The following CACNA2D3 variants were observed in gnomAD, a reference collection of about 807,000 sequenced individuals.
CACNA2D3 encodes calcium voltage-gated channel auxiliary subunit alpha2delta 3.
In CACNA2D3, 60 loss-of-function variants were observed where a neutral mutation model predicts 160.6. The observed-to-expected ratio is 0.37, with a 90% CI of 0.30 to 0.46. The LOEUF (loss-of-function observed/expected upper bound fraction) is 0.46. Among genes scored for constraint, CACNA2D3 ranks in the 20% least tolerant of loss-of-function variants. The probability of loss-of-function intolerance (pLI) is 1.00; values close to 1 mark genes in which losing one functional copy is unlikely to be tolerated. For synonymous variants in CACNA2D3, 558 were observed against 492.9 expected, an observed-to-expected ratio of 1.13 and a Z score of -1.75; for missense variants, 1,205 against 1,365.0, an observed-to-expected ratio of 0.88 and a Z score of 1.85.
chr3:54,459,033 C>T (rs907777361), intron 4 of CACNA2D3, among the ~76,000 whole-genome samples: 4 of 151,970 alleles, frequency 2.6e-5, no homozygotes, highest in East Asian at 3.9e-4. Flanking sequence ...TTTGGTTTTT[C>T]GTCCTTGCGA....
chr3:54,676,992 A>G (rs1297331332), intron 11 of CACNA2D3, among the ~76,000 whole-genome samples: 2 of 152,206 alleles, frequency 1.3e-5, no homozygotes, highest in Non-Finnish European at 2.9e-5. Context: ...ACAGCCTTTT[A>G]AAAATCTCTC....
intron 4 of CACNA2D3, among the ~76,000 whole-genome samples, chr3:54,437,135 A>G (rs1375151380): frequency 2.0e-5 from 3 of 152,144 alleles, no homozygotes; most frequent in Admixed American, 2.0e-4. Context: ...TCCTTCCAAA[A>G]TGGGTAGTAT....
At chr3:54,516,720 G>A (rs1002153702) in intron 5 of CACNA2D3, among the ~76,000 whole-genome samples, 1 of 152,186 alleles carries the variant, frequency 6.6e-6, no homozygotes, top group Non-Finnish European at 1.5e-5. Context: ...ATCTTCACCC[G>A]TGTCTACTTT....
At chr3:54,265,198 C>A (rs911990311) in intron 2 of CACNA2D3, among the ~76,000 whole-genome samples, 3 of 152,212 alleles carry the variant, frequency 2.0e-5, no homozygotes, top group African/African-American at 7.2e-5. Context: ...TACACTCCCA[C>A]CAACAGTGTT....
chr3:54,600,838 G>A (rs1474796899), intron 9 of CACNA2D3, among the ~76,000 whole-genome samples: 2 of 151,862 alleles, frequency 1.3e-5, no homozygotes, highest in African/African-American at 4.8e-5. Context: ...AGTGCAGCCC[G>A]GACCTAGCTT....
intron 4 of CACNA2D3, among the ~76,000 whole-genome samples, chr3:54,473,012 C>G (rs1255422054): frequency 6.6e-6 from 1 of 152,112 alleles, no homozygotes; most frequent in Non-Finnish European, 1.5e-5. Context: ...TGACTTTTTT[C>G]CTAGAATTAG....
At position 54,536,629 on chromosome 3, in the gene CACNA2D3, C is replaced by G. The variant is rs1387149972; in HGVS notation, c.545-26171C>G. ...TTTGCTGCTGCTCTGTGAGCCAGCT[C>G]TGGGTAGGTGGCCAGTGAACAGACT... On this transcript the variant is annotated intron_variant, in intron 5 of 37. Coordinates refer to ENST00000474759, the MANE Select transcript of CACNA2D3 (RefSeq NM_018398.3). 7.2e-5 allele frequency among the ~76,000 whole-genome samples: 11 copies of G among 152,296 alleles called. No homozygotes were observed. In the East Asian group the frequency reaches 1.7e-3, roughly 24 times the overall value.
chr3:54,210,659 C>T (rs114929026), intron 2 of CACNA2D3, among the ~76,000 whole-genome samples: 8 of 151,998 alleles, frequency 5.3e-5, no homozygotes, highest in Non-Finnish European at 1.0e-4. Flanking sequence ...AGGGAAGTGT[C>T]CTGGGATTGG....
At chr3:54,163,065 A>C (rs544115468) in intron 2 of CACNA2D3, among the ~76,000 whole-genome samples, 1 of 152,340 alleles carries the variant, frequency 6.6e-6, no homozygotes, top group South Asian at 2.1e-4. Flanking sequence ...AATGGTCAGA[A>C]GACCAGTGTG....
In CACNA2D3 at chr3:54,451,229, C is replaced by CTTTTTTTTTTTTTTTTTTTTTTTTTTTTT. The variant is rs71074970; in HGVS notation, c.382-52259_382-52231dup. Among the ~76,000 whole-genome samples, 4 of 51,732 alleles carry CTTTTTTTTTTTTTTTTTTTTTTTTTTTTT rather than the reference C, an allele frequency of 7.7e-5. 1 individual carries two copies. The highest frequency in any genetic ancestry group is 9.5e-5 in the Non-Finnish European group (3 of 31,614). 33.9% of individuals were successfully genotyped at this position (51,732 alleles called of 152,430 possible). On this transcript the variant is annotated intron_variant, in intron 4 of 37. Coordinates refer to ENST00000474759, the MANE Select transcript of CACNA2D3 (RefSeq NM_018398.3). ...TGTCCCTTTCTGCTGATATAATAATCTTTTTTTTTTTTTTTTTTTTTTTTT... is the reference window on the plus strand; with the variant it reads ...TGTCCCTTTCTGCTGATATAATAATCTTTTTTTTTTTTTTTTTTTTTTTTTTTTTTTTTTTTTTTTTTTTTTTTTTTTTT...
chr3:54,712,913 T>C (rs1700979781), intron 11 of CACNA2D3, among the ~76,000 whole-genome samples: 1 of 152,210 alleles, frequency 6.6e-6, no homozygotes. Context: ...TTAGCAATCT[T>C]AATTCCATCT....
At chr3:54,402,331 A>G (rs1418611959) in intron 4 of CACNA2D3, among the ~76,000 whole-genome samples, 2 of 152,180 alleles carry the variant, frequency 1.3e-5, no homozygotes, top group South Asian at 2.1e-4. Flanking sequence ...ACCAAAAGAC[A>G]TAGAGTGGCT....
At chr3:54,442,035 C>T (rs1445611917) in intron 4 of CACNA2D3, among the ~76,000 whole-genome samples, 1 of 152,140 alleles carries the variant, frequency 6.6e-6, no homozygotes, top group East Asian at 1.9e-4. Context: ...TCTTGAACTC[C>T]TGGGTTCAAG....
At chr3:54,949,191 T>TC (rs1701693231) in intron 27 of CACNA2D3, among the ~76,000 whole-genome samples, 1 of 152,182 alleles carries the variant, frequency 6.6e-6, no homozygotes. Flanking sequence ...ATAGTTTTGG[T>TC]CAGTGCCTAT....
intron 3 of CACNA2D3, among the ~76,000 whole-genome samples, chr3:54,332,067 G>C (rs1421834641): frequency 6.6e-6 from 1 of 152,128 alleles, no homozygotes; most frequent in South Asian, 2.1e-4. Context: ...CTCTGCGCAG[G>C]CACCTTATAG....
intron 9 of CACNA2D3, among the ~76,000 whole-genome samples, chr3:54,585,453 A>G (rs13324510): frequency 0.061 from 9,221 of 152,286 alleles, 921 homozygotes; most frequent in African/African-American, 0.21. Flanking sequence ...AATAGGAAAA[A>G]AATAAACTGG....
chr3:55,008,924 C>G (rs984654665), intron 33 of CACNA2D3, among the ~76,000 whole-genome samples: 1 of 148,608 alleles, frequency 6.7e-6, no homozygotes, highest in Non-Finnish European at 1.5e-5. Flanking sequence ...CACACACACA[C>G]AGGGGGCTTA....
Position 54,400,302 on chromosome 3 carries a change from A to G in CACNA2D3, c.381+13528A>G, listed in dbSNP as rs577833087. ...GGAGCTGTAGACCGGAGCTGTTCCT[A>G]TTCGGCCATCTTGGCTCCTCCGAGA... On this transcript the variant is annotated intron_variant, in intron 4 of 37. Coordinates refer to ENST00000474759, the MANE Select transcript of CACNA2D3 (RefSeq NM_018398.3). 2.3e-4 allele frequency among the ~76,000 whole-genome samples: 35 copies of G among 151,584 alleles called. No homozygotes were observed. In the South Asian group the frequency reaches 5.0e-3, roughly 22 times the overall value.
In CACNA2D3 at chr3:54,845,423, AG is replaced by A. The variant is rs552280989; in HGVS notation, c.1552-968del. 3.8e-3 allele frequency among the ~76,000 whole-genome samples: 561 copies of A among 148,296 alleles called. 3 individuals carry two copies. The highest frequency in any genetic ancestry group is 0.013 in the African/African-American group (529 of 39,864). ...GCTCAGAACTGTGAAAAAACTCCTC[AG>A]GAAAAAAAAATAGAGGATTTCTTTT... is the stretch of plus-strand genomic sequence containing the variant. On this transcript the variant is annotated intron_variant, in intron 16 of 37. Transcript: ENST00000474759.
Sources: allele counts gnomAD v4.1 joint callset (sites outside exome capture counted in the v4.1 genomes callset), GRCh38; gene constraint gnomAD v4.1.1; transcripts MANE v1.5; gene names NCBI Gene and HGNC (gene_info 2026-07-23, HGNC 2026-07-21).